Variants in KDM4C observed in about 807,000 individuals in gnomAD.
The protein encoded by KDM4C is lysine-specific demethylase 4C.
KDM4C carries 81 observed loss-of-function variants against 129.3 expected under a neutral mutation model. The observed-to-expected ratio is 0.63, with a 90% confidence interval of 0.52 to 0.75. KDM4C has a LOEUF of 0.75. KDM4C is among the 30% of genes least tolerant of loss of function. KDM4C has a pLI of 0.00. For synonymous variants in KDM4C, 573 were observed against 456.1 expected (o/e 1.26, Z -3.26); for missense variants, 1,457 against 1,304.0 (o/e 1.12, Z -1.81).
intron 4 of KDM4C, among the ~76,000 whole-genome samples, chr9:6,846,854 A>G (rs576711951): frequency 9.6e-4 from 146 of 152,260 alleles, no homozygotes; most frequent in Middle Eastern, 3.4e-3. Context: ...ATTAAAGTTT[A>G]TTTTCATTAG....
intron 5 of KDM4C, among the ~76,000 whole-genome samples, chr9:6,867,011 ATATATATTTTTT>A (rs1407333130): frequency 4.9e-5 from 5 of 102,232 alleles, no homozygotes; most frequent in African/African-American, 1.7e-4. Context: ...ATATATATAT[ATATATATTTTTT>A]TTTTTTTTTG....
At chr9:6,762,509 G>A (rs1384306840) in intron 1 of KDM4C, among the ~76,000 whole-genome samples, 1 of 151,728 alleles carries the variant, frequency 6.6e-6, no homozygotes, top group Non-Finnish European at 1.5e-5. Flanking sequence ...CTTAGGAGGT[G>A]TATCATAATT....
At chr9:6,866,272 C>T (rs1435903932) in intron 5 of KDM4C, among the ~76,000 whole-genome samples, 1 of 151,814 alleles carries the variant, frequency 6.6e-6, no homozygotes, top group East Asian at 1.9e-4. Context: ...ATTCTTGACC[C>T]TTCTTTCTTT....
At chr9:7,122,265 A>ACACACACACACACACTCTCTCTCTCT (rs375655422) in intron 18 of KDM4C, among the ~76,000 whole-genome samples, 32 of 144,708 alleles carry the variant, frequency 2.2e-4, no homozygotes, top group African/African-American at 8.1e-4. Context: ...ACACACACAC[A>ACACACACACACACACTCTCTCTCTCT]CTCTCTCTCT....
intron 1 of KDM4C, among the ~76,000 whole-genome samples, chr9:6,760,960 C>A (rs1488925511): frequency 3.3e-5 from 5 of 150,310 alleles, no homozygotes; most frequent in Non-Finnish European, 7.4e-5. Flanking sequence ...TAAAGTGGGG[C>A]TTTATTCTAT....
chr9:6,856,851 G>A lies in KDM4C; in HGVS notation c.629+7151G>A, dbSNP rs868789659. Among the ~76,000 whole-genome samples, 118 of 146,918 alleles carry A rather than the reference G, an allele frequency of 8.0e-4. 1 individual carries two copies. The Middle Eastern group carries it at 0.017, about 21-fold the overall frequency. The stretch of plus-strand genomic sequence containing the variant: ...CGGCTCACTGCAAGCTCCGCTTCCC[G>A]GGTTCACGCCATTCTCCTGCCTCAG... On this transcript the variant is annotated intron_variant, in intron 5 of 21. Coordinates refer to ENST00000381309, the MANE Select transcript of KDM4C (RefSeq NM_015061.6).
intron 5 of KDM4C, among the ~76,000 whole-genome samples, chr9:6,878,645 A>G (rs988082866): frequency 2.0e-5 from 3 of 152,196 alleles, no homozygotes; most frequent in Non-Finnish European, 2.9e-5. Flanking sequence ...CTTTAACTTT[A>G]CCAATTTTTC....
chr9:6,731,838 T>C (rs1323383655), intron 1 of KDM4C, among the ~76,000 whole-genome samples: 5 of 152,214 alleles, frequency 3.3e-5, no homozygotes, highest in Non-Finnish European at 7.3e-5. Flanking sequence ...GTGTCATTTA[T>C]AGGTTACTGT....
chr9:6,790,039 C>A (rs892893663), intron 1 of KDM4C, among the ~76,000 whole-genome samples: 1 of 148,946 alleles, frequency 6.7e-6, no homozygotes, highest in African/African-American at 2.5e-5. Flanking sequence ...TTTGGGAGGC[C>A]GAGGCGGGTG....
chr9:6,968,145 G>T (rs998923274), intron 8 of KDM4C, among the ~76,000 whole-genome samples: 4 of 152,108 alleles, frequency 2.6e-5, no homozygotes, highest in African/African-American at 9.7e-5. Flanking sequence ...TAAGAACTAA[G>T]ATAGGCCTCC....
At chr9:7,127,926 T>G (rs978339583) in intron 18 of KDM4C, 140 bp from the exon 19 acceptor site, 6 of 683,940 alleles carry the variant, frequency 8.8e-6, no homozygotes, top group Non-Finnish European at 1.3e-5. Context: ...GAAATTATTC[T>G]TCAATATTAA....
chr9:7,053,262 C>T (rs1275584760), intron 17 of KDM4C, among the ~76,000 whole-genome samples: 2 of 152,112 alleles, frequency 1.3e-5, no homozygotes, highest in African/African-American at 2.4e-5. Flanking sequence ...TATTGTTAGT[C>T]GTTTATTTAT....
intron 1 of KDM4C, among the ~76,000 whole-genome samples, chr9:6,759,349 A>G (rs1302895812): frequency 1.3e-5 from 2 of 152,014 alleles, no homozygotes; most frequent in African/African-American, 4.8e-5. Flanking sequence ...TCTCATTTCG[A>G]AGTGTTGTGG....
intron 7 of KDM4C, among the ~76,000 whole-genome samples, chr9:6,891,674 A>G (rs912913556): frequency 2.0e-5 from 3 of 152,208 alleles, no homozygotes; most frequent in Admixed American, 2.0e-4. Flanking sequence ...TTACATTTCA[A>G]TAAAGTTGTT....
At chr9:6,798,470 G>T (rs936115207) in intron 2 of KDM4C, among the ~76,000 whole-genome samples, 2 of 152,008 alleles carry the variant, frequency 1.3e-5, no homozygotes, top group Admixed American at 6.6e-5. Context: ...TCAAGCATCT[G>T]TTTAACAAAG....
At chr9:6,904,863 C>T (rs979166184) in intron 8 of KDM4C, among the ~76,000 whole-genome samples, 1 of 151,712 alleles carries the variant, frequency 6.6e-6, no homozygotes, top group African/African-American at 2.4e-5. Flanking sequence ...AGTTTTGTGG[C>T]AATGGGAAAT....
chr9:6,759,701 C>G (rs1298338975), intron 1 of KDM4C, among the ~76,000 whole-genome samples: 2 of 151,930 alleles, frequency 1.3e-5, no homozygotes, highest in Non-Finnish European at 2.9e-5. Context: ...GCCTGTAATC[C>G]CAACACTTTG....
At chr9:6,832,380 C>G (rs1350794448) in intron 4 of KDM4C, among the ~76,000 whole-genome samples, 1 of 149,042 alleles carries the variant, frequency 6.7e-6, no homozygotes, top group Admixed American at 6.7e-5. Context: ...GCTTAATAGT[C>G]TAGAAAATAT....
chr9:7,041,112 G>A (rs1019866532), intron 15 of KDM4C, among the ~76,000 whole-genome samples: 3 of 151,498 alleles, frequency 2.0e-5, no homozygotes, highest in African/African-American at 7.3e-5. Flanking sequence ...GTATCCATGG[G>A]TGGATATGTG....
Sources: gnomAD v4.1 joint callset for allele counts (sites outside exome capture counted in the v4.1 genomes callset) on GRCh38, gnomAD v4.1.1 for gene constraint, MANE v1.5 for transcripts, NCBI Gene and HGNC (gene_info 2026-07-23, HGNC 2026-07-21) for gene names.